The following TACC3 variants were observed in gnomAD, a reference collection of about 807,000 sequenced individuals.
The protein encoded by TACC3 is transforming acidic coiled-coil-containing protein 3.
TACC3 carries 52 observed loss-of-function variants against 86.0 expected under a neutral mutation model. The observed-to-expected ratio is 0.60, with a 90% CI of 0.48 to 0.76. The LOEUF (loss-of-function observed/expected upper bound fraction) is 0.76. Among genes scored for constraint, TACC3 ranks in the 30% least tolerant of loss-of-function variants. The pLI, the probability that TACC3 is intolerant of heterozygous loss-of-function variation, is 0.00. For synonymous variants in TACC3, 512 were observed against 430.0 expected (o/e 1.19, Z -2.36); for missense variants, 1,120 against 1,070.4 (o/e 1.05, Z -0.65).
intron 3 of TACC3, 53 bp downstream of exon 3, chr4:1,723,923 G>A: frequency 6.3e-7 from 1 of 1,595,024 alleles, no homozygotes; most frequent in African/African-American, 1.3e-5. Context: ...CTGTCCGATG[G>A]TTCTTGCAGG....
At chr4:1,743,907 C>G (rs1252314776) in intron 13 of TACC3, among the ~76,000 whole-genome samples, 1 of 152,168 alleles carries the variant, frequency 6.6e-6, no homozygotes, top group East Asian at 1.9e-4. Context: ...GCTGAGGGTG[C>G]TTCTGGGATA....
intron 6 of TACC3, among the ~76,000 whole-genome samples, chr4:1,734,399 G>C (rs1718152601): frequency 6.6e-6 from 1 of 152,168 alleles, no homozygotes; most frequent in South Asian, 2.1e-4. Flanking sequence ...TGTTGGCCAG[G>C]CTGGCCTCAA....
chr4:1,727,358 TGGA>T (rs1454010314), intron 3 of TACC3, among the ~76,000 whole-genome samples: 1 of 152,168 alleles, frequency 6.6e-6, no homozygotes, highest in Non-Finnish European at 1.5e-5. Flanking sequence ...CAGAGGCTGC[TGGA>T]GGAGTCTGGG....
chr4:1,731,295 G>T lies in TACC3; in HGVS notation c.1585G>T (p.Ala529Ser). The T allele has an allele frequency of 8.1e-6, 13 of 1,613,130 alleles. No homozygotes were observed. Among genetic ancestry groups the T allele is most frequent in the South Asian group, 1.1e-5 (1 of 91,072 alleles). The change falls in exon 6 of 16, where the codon GCT becomes TCT. Residue 529 changes from alanine (A) to serine (S), a missense_variant. Physicochemically the swap from Ala to Ser is moderately conservative, Grantham distance 99. Transcript: ENST00000313288. The stretch of plus-strand genomic sequence containing the variant: ...GAAAGAGGAGAGCTTCAGAGACCCC[G>T]CTGAGGGTACGTTGCCTGGCACAGA... Reference protein sequence around the residue: ...ELKEESFRDPAEVLGTGAEVD... With the variant: ...ELKEESFRDPSEVLGTGAEVD...
chr4:1,734,534 C>G (rs1424253945), intron 6 of TACC3, among the ~76,000 whole-genome samples: 1 of 152,170 alleles, frequency 6.6e-6, no homozygotes, highest in Non-Finnish European at 1.5e-5. Flanking sequence ...CGGAGGATCA[C>G]TTGAAGTCAG....
intron 10 of TACC3, 118 bp downstream of exon 10, chr4:1,737,820 G>GT: frequency 1.0e-6 from 1 of 1,004,970 alleles, no homozygotes. Flanking sequence ...GCCCCTGCTG[G>GT]TTGGGGTGGA....
upstream of TACC3, chr4:1,721,086 A>C (rs1052519136): frequency 1.1e-5 from 3 of 275,718 alleles, no homozygotes; most frequent in African/African-American, 6.8e-5. Flanking sequence ...GGGGCACTCT[A>C]GGGCATGGAG....
chr4:1,722,183 G>A (rs569616419), intron 1 of TACC3, among the ~76,000 whole-genome samples: 2 of 152,168 alleles, frequency 1.3e-5, no homozygotes, highest in East Asian at 3.9e-4. Flanking sequence ...TCCCTTCTCT[G>A]CCCAGAGCCC....
chr4:1,742,999 T>G (rs887230852), intron 13 of TACC3, among the ~76,000 whole-genome samples: 2 of 151,928 alleles, frequency 1.3e-5, no homozygotes, highest in Non-Finnish European at 2.9e-5. Context: ...TAGGCCGGCT[T>G]ATGCCTGTAA....
In TACC3 at chr4:1,739,769, T is replaced by A. The variant is rs1036954975; in HGVS notation, c.2009T>A (p.Leu670Gln). ...TGTGAGGAGCTCCACGGGAAGAACC[T>A]GGAACTGGGGTAAGGAGGCCCCGTC... is the stretch of plus-strand genomic sequence containing the variant. ...SRCEELHGKN[L>Q]ELGKIMDRFE... is the part of the protein sequence containing the mutation. Residue 670 changes from leucine to glutamine, a missense_variant, in exon 11 of 16, where the codon CTG becomes CAG. Physicochemically the swap from Leu to Gln is moderately radical, Grantham distance 113. Transcript: ENST00000313288. The A allele has an allele frequency of 1.4e-5, 22 of 1,585,476 alleles. No individual in the cohort carries two copies. Among genetic ancestry groups the A allele is most frequent in the Non-Finnish European group, 1.6e-5 (19 of 1,167,030 alleles).
At position 1,735,712 on chromosome 4, in the gene TACC3, C is replaced by T. The variant is rs770370165; in HGVS notation, c.1645-19C>T. The T allele has an allele frequency of 1.9e-6, 3 of 1,595,484 alleles. No homozygotes were observed. Among genetic ancestry groups the T allele is most frequent in the East Asian group, 2.2e-5 (1 of 44,756 alleles). On this transcript the variant is annotated intron_variant, in intron 7 of 15. Transcript: ENST00000313288. The surrounding 1 kb of genome is among the most constrained non-coding windows in gnomAD (Gnocchi z 4.2). Reference sequence around the variant, plus strand: ...AGGGGATGGCAGTCAGACCTGATCACTTGCCCTCTTGTCCCCAGTTTAAGG... The same window carrying T: ...AGGGGATGGCAGTCAGACCTGATCATTTGCCCTCTTGTCCCCAGTTTAAGG...
At chr4:1,723,129 G>A (rs1309600880) in intron 1 of TACC3, 3 of 425,948 alleles carry the variant, frequency 7.0e-6, no homozygotes, top group Non-Finnish European at 1.3e-5. Flanking sequence ...GCAGGCTTGG[G>A]TTTTCTTTCT....
chr4:1,727,760 A>G lies in TACC3; in HGVS notation c.358A>G (p.Lys120Glu). 6.2e-7 allele frequency: 1 copy of G among 1,607,338 alleles called. No homozygotes were observed. The highest frequency in any genetic ancestry group is 8.5e-7 in the Non-Finnish European group (1 of 1,176,580). The change falls in exon 4 of 16, where the codon AAA (lysine) becomes GAA (glutamate). Residue 120 changes from lysine (K) to glutamate (E), a missense_variant. By Grantham distance (56) the Lys-to-Glu change is moderately conservative (BLOSUM62 1). Coordinates refer to ENST00000313288, the MANE Select transcript of TACC3 (RefSeq NM_006342.3). ...CAAAACTACTCATGGAATTCTACAG[A>G]AACCAGTGGAGGCTGACACCGACCT... ...DAKTTHGILQ[K>E]PVEADTDLLG... is the part of the protein sequence containing the mutation.
Position 1,739,718 on chromosome 4 carries a change from A to C in TACC3, c.1958A>C (p.Glu653Ala). Reference protein sequence around the residue: ...DLDAVVKATQEENRELRSRCE... With the variant: ...DLDAVVKATQAENRELRSRCE... The stretch of plus-strand genomic sequence containing the variant: ...CCTGAGCAGGTAAAGGCGACACAGG[A>C]GGAGAACCGGGAGCTGAGGAGCAGG... The change falls in exon 11 of 16, where the codon GAG becomes GCG. Residue 653 changes from glutamate (E) to alanine (A), a missense_variant. Coordinates refer to ENST00000313288, the MANE Select transcript of TACC3 (RefSeq NM_006342.3). 6.3e-7 allele frequency: 1 copy of C among 1,585,010 alleles called. No individual in the cohort carries two copies.
intron 12 of TACC3, 75 bp from the exon 13 acceptor site, chr4:1,740,751 A>G (rs1271864628): frequency 3.1e-5 from 44 of 1,410,008 alleles, no homozygotes; most frequent in Non-Finnish European, 4.2e-5. Context: ...CCCTTGCCTC[A>G]TTCCTTGGGC....
At chr4:1,737,449 C>A (rs574402709) in intron 9 of TACC3, 121 bp downstream of exon 9, 1 of 1,152,952 alleles carries the variant, frequency 8.7e-7, no homozygotes, top group Non-Finnish European at 1.3e-6. Flanking sequence ...GGGCATGGGG[C>A]CGCTGTGCTG....
chr4:1,731,150 G>A (rs746407858), intron 5 of TACC3, 22 bp from the exon 6 acceptor site: 8 of 1,612,936 alleles, frequency 5.0e-6, no homozygotes, highest in South Asian at 1.1e-5. Flanking sequence ...ACTGCACAGG[G>A]TGACTCTGCC....
chr4:1,720,711 T>C, upstream of TACC3: 1 of 1,558,652 alleles, frequency 6.4e-7, no homozygotes, highest in South Asian at 1.2e-5. The surrounding 1 kb of genome is among the most constrained non-coding windows in gnomAD (Gnocchi z 4.4). Context: ...GCGTCCTCGC[T>C]GCCCAGCCAG....
At chr4:1,739,920 A>G (rs765301347) in intron 11 of TACC3, 39 bp from the exon 12 acceptor site, 11 of 1,602,410 alleles carry the variant, frequency 6.9e-6, no homozygotes, top group Non-Finnish European at 9.4e-6. Flanking sequence ...ACCGCTGGGC[A>G]CCCGAGGCAA....
Sources: allele counts gnomAD v4.1 joint callset (sites outside exome capture counted in the v4.1 genomes callset), GRCh38; gene constraint gnomAD v4.1.1; non-coding constraint Gnocchi (gnomAD v3.1); transcripts MANE v1.5; gene names NCBI Gene and HGNC (gene_info 2026-07-23, HGNC 2026-07-21).